Variants in CEP135 observed in about 807,000 individuals in gnomAD.
CEP135 encodes centrosomal protein of 135 kDa.
Under a neutral mutation model 157.3 loss-of-function variants are expected in CEP135, and 142 were observed. The ratio of observed to expected loss-of-function variants is 0.90; its 90% CI spans 0.79 to 1.04. CEP135 has a LOEUF of 1.04. Among genes scored for constraint, CEP135 ranks in the 50% least tolerant of loss-of-function variants. The pLI is 0.00. For missense variants in CEP135, 1,317 were observed against 1,309.2 expected, an observed-to-expected ratio of 1.01 and a Z score of -0.09; for synonymous variants, 396 against 439.8, an observed-to-expected ratio of 0.90 and a Z score of 1.25.
intron 2 of CEP135, among the ~76,000 whole-genome samples, chr4:55,952,820 A>G (rs528901875): frequency 1.3e-5 from 2 of 152,316 alleles, no homozygotes; most frequent in East Asian, 1.9e-4. Flanking sequence ...GCCTATTTGT[A>G]TATCTGAACA....
rs1258214090 is a variant in CEP135, at chr4:56,020,661, T to A, written c.3216-15T>A. 1.1e-5 allele frequency: 18 copies of A among 1,607,854 alleles called. No homozygotes were observed. The highest frequency in any genetic ancestry group is 1.2e-5 in the Non-Finnish European group (14 of 1,175,998). On this transcript the variant is annotated splice_polypyrimidine_tract_variant and intron_variant, in intron 23 of 25. Coordinates refer to ENST00000257287, the MANE Select transcript of CEP135 (RefSeq NM_025009.5). Reference sequence around the variant, plus strand: ...ACGGAACGTTTATTTCTTGATTTTTTAATTTGTTTTTAAGAACTAGTCAAA... The same window carrying A: ...ACGGAACGTTTATTTCTTGATTTTTAAATTTGTTTTTAAGAACTAGTCAAA...
chr4:55,983,394 C>T (rs1729475115), intron 13 of CEP135, among the ~76,000 whole-genome samples: 1 of 152,188 alleles, frequency 6.6e-6, no homozygotes, highest in Non-Finnish European at 1.5e-5. Context: ...TAACTAATCT[C>T]AATCCTTAAA....
intron 11 of CEP135, among the ~76,000 whole-genome samples, chr4:55,975,273 T>G (rs1483808194): frequency 6.6e-6 from 1 of 152,232 alleles, no homozygotes; most frequent in Non-Finnish European, 1.5e-5. Flanking sequence ...TTTTTAGAAT[T>G]TACTTTCTGT....
At chr4:56,019,076 A>G (rs944734284) in intron 22 of CEP135, among the ~76,000 whole-genome samples, 1 of 152,160 alleles carries the variant, frequency 6.6e-6, no homozygotes, top group East Asian at 1.9e-4. Context: ...GTTTTATCTT[A>G]ATGACCGTCT....
At chr4:55,983,437 T>C (rs919355270) in intron 13 of CEP135, among the ~76,000 whole-genome samples, 2 of 152,190 alleles carry the variant, frequency 1.3e-5, no homozygotes, top group Non-Finnish European at 2.9e-5. Flanking sequence ...TTCCACTATC[T>C]AACCAGTTGT....
intron 7 of CEP135, 33 bp downstream of exon 7, chr4:55,964,435 A>G (rs1728781128): frequency 6.5e-7 from 1 of 1,533,286 alleles, no homozygotes; most frequent in Non-Finnish European, 8.9e-7. Context: ...CACTGAGTGT[A>G]TATAATGGTG....
chr4:56,008,240 T>C lies in CEP135; in HGVS notation c.2281-87T>C, dbSNP rs960201249. Reference sequence around the variant, plus strand: ...ATACTTTATATAATTGAGCTGTGTATTTGAACTATATGAATATGACAAGTT... The same window carrying C: ...ATACTTTATATAATTGAGCTGTGTACTTGAACTATATGAATATGACAAGTT... On this transcript the variant is annotated intron_variant, in intron 17 of 25. Coordinates refer to ENST00000257287, the MANE Select transcript of CEP135 (RefSeq NM_025009.5). 8.6e-6 allele frequency: 8 copies of C among 926,364 alleles called. No homozygotes were observed. In the African/African-American group the frequency reaches 1.3e-4, roughly 15 times the overall value. 57.4% of individuals were successfully genotyped at this position (926,364 alleles called of 1,614,324 possible).
At chr4:55,966,047 T>G in intron 8 of CEP135, 188 bp downstream of exon 8, 1 of 550,172 alleles carries the variant, frequency 1.8e-6, no homozygotes, top group Non-Finnish European at 3.2e-6. Context: ...TGTAGTTGTT[T>G]TAGTTGTTTG....
chr4:55,995,788 CA>C (rs986765734), intron 15 of CEP135, among the ~76,000 whole-genome samples: 2 of 152,214 alleles, frequency 1.3e-5, no homozygotes, highest in African/African-American at 4.8e-5. Context: ...CCCAGTTAGA[CA>C]ACTCAGTTTT....
intron 15 of CEP135, among the ~76,000 whole-genome samples, chr4:55,995,688 T>C (rs1729946638): frequency 6.6e-6 from 1 of 152,324 alleles, no homozygotes; most frequent in East Asian, 1.9e-4. Flanking sequence ...CATTTAAACA[T>C]GTAAAAACCA....
At chr4:56,030,284 G>C (rs1020938237) in intron 25 of CEP135, among the ~76,000 whole-genome samples, 8 of 152,110 alleles carry the variant, frequency 5.3e-5, no homozygotes, top group African/African-American at 1.9e-4. Context: ...ATGAGTAAGA[G>C]TACACTTTAA....
At chr4:55,979,303 T>C (rs532504988) in intron 11 of CEP135, among the ~76,000 whole-genome samples, 1 of 152,206 alleles carries the variant, frequency 6.6e-6, no homozygotes, top group Non-Finnish European at 1.5e-5. Context: ...ATCAGAGTGC[T>C]CTCATCTTTA....
Position 56,009,735 on chromosome 4 carries a change from C to T in CEP135, c.2337C>T (p.Asn779=). The change falls in exon 19 of 26, where the codon AAC becomes AAT. Residue 779 remains asparagine, a splice_region_variant and synonymous_variant. Coordinates refer to ENST00000257287, the MANE Select transcript of CEP135 (RefSeq NM_025009.5). ...IMISECESSV[N]QLKETLVNRD... ...TAGTTTCACATCACTCATTTAACAGCCAGCTGAAAGAAACATTGGTTAATC... is the reference window on the plus strand; with the variant it reads ...TAGTTTCACATCACTCATTTAACAGTCAGCTGAAAGAAACATTGGTTAATC... 2 of 1,594,908 alleles carry T rather than the reference C, an allele frequency of 1.3e-6. No individual in the cohort carries two copies. Among genetic ancestry groups the T allele is most frequent in the Non-Finnish European group, 8.5e-7 (1 of 1,174,972 alleles).
At chr4:55,969,428 TAAAAAAAAA>T (rs5858359) in intron 9 of CEP135, among the ~76,000 whole-genome samples, 14 of 129,144 alleles carry the variant, frequency 1.1e-4, no homozygotes, top group Non-Finnish European at 3.3e-5. Context: ...ACTCCATCTT[TAAAAAAAAA>T]AAAAAAAAAA....
At chr4:55,966,024 C>A in intron 8 of CEP135, 165 bp downstream of exon 8, 1 of 593,336 alleles carries the variant, frequency 1.7e-6, no homozygotes, top group Non-Finnish European at 3.0e-6. Context: ...GTTGTTTACA[C>A]CCTGTAAATG....
At chr4:56,025,597 TC>T (rs1731133504) in intron 25 of CEP135, among the ~76,000 whole-genome samples, 1 of 152,094 alleles carries the variant, frequency 6.6e-6, no homozygotes, top group Admixed American at 6.6e-5. Flanking sequence ...AACGTGAACG[TC>T]AGTCCTCCTG....
chr4:55,992,124 A>T lies in CEP135; in HGVS notation c.2009+39A>T, dbSNP rs773143149. 1.1e-5 allele frequency: 18 copies of T among 1,572,332 alleles called. No homozygotes were observed. In the African/African-American group the frequency reaches 1.4e-4, roughly 12 times the overall value. On this transcript the variant is annotated intron_variant, in intron 15 of 25. Transcript: ENST00000257287. ...AAATTTTCTAATTTCATTTCTGGGA[A>T]TGTGTTTGTGGTTATGTAAAGTTTA...
chr4:55,974,886 C>T lies in CEP135; in HGVS notation c.1390C>T (p.Leu464Phe). 2 of 1,613,722 alleles carry T rather than the reference C, an allele frequency of 1.2e-6. No homozygotes were observed. Among genetic ancestry groups the T allele is most frequent in the Non-Finnish European group, 1.7e-6 (2 of 1,179,814 alleles). Reference protein sequence around the residue: ...RDYYKKELERLQHIIQRRSCS... With the variant: ...RDYYKKELERFQHIIQRRSCS... ...TTATTATAAGAAAGAGCTAGAGAGACTCCAACATATAATACAGCGAAGATC... is the reference window on the plus strand; with the variant it reads ...TTATTATAAGAAAGAGCTAGAGAGATTCCAACATATAATACAGCGAAGATC... Residue 464 changes from leucine (L) to phenylalanine (F), a missense_variant, in exon 11 of 26, where the codon CTC (leucine) becomes TTC (phenylalanine). Physicochemically the swap from Leu to Phe is conservative, Grantham distance 22 (BLOSUM62 0). Transcript: ENST00000257287.
chr4:56,032,077 G>A lies in CEP135; in HGVS notation c.*729G>A, dbSNP rs902184336. The A allele has an allele frequency of 6.6e-6, 1 of 152,126 alleles. No individual in the cohort carries two copies. Among genetic ancestry groups the A allele is most frequent in the Non-Finnish European group, 1.5e-5 (1 of 68,004 alleles). The allele number at this position is 152,126 out of a possible 1,614,324, so 9.4% of individuals were successfully genotyped here. A position where few individuals can be genotyped will look rare whatever the true frequency, so the allele number is the denominator to read the frequency against. ...ATGCAGAGTTTTGTATAAAACAATA[G>A]AACAGAAATTTGGGACATTTTTCTA... is the stretch of plus-strand genomic sequence containing the variant. On this transcript the variant is annotated 3_prime_UTR_variant, in exon 26 of 26. Coordinates refer to ENST00000257287, the MANE Select transcript of CEP135 (RefSeq NM_025009.5).
Sources: allele counts gnomAD v4.1 joint callset (sites outside exome capture counted in the v4.1 genomes callset), GRCh38; gene constraint gnomAD v4.1.1; transcripts MANE v1.5; gene names NCBI Gene and HGNC (gene_info 2026-07-23, HGNC 2026-07-21).